DBH: variants seen among roughly 807,000 people sequenced by gnomAD.
DBH encodes the protein dopamine beta-hydroxylase.
In DBH, 49 loss-of-function variants were observed where a neutral mutation model predicts 64.0. That is an observed-to-expected ratio of 0.77 (90% CI 0.61 to 0.97). The LOEUF is 0.97. Ranked by LOEUF, DBH falls within the 50% of genes least tolerant of loss-of-function variation. The probability of loss-of-function intolerance (pLI) is 0.00; values close to 1 mark genes in which losing one functional copy is unlikely to be tolerated. For missense variants in DBH, 828 were observed against 826.6 expected (o/e 1.00, Z -0.02); for synonymous variants, 343 against 347.1 (o/e 0.99, Z 0.13).
chr9:133,651,443 C>T (rs887162296), intron 6 of DBH, among the ~76,000 whole-genome samples, 191 bp from the exon 7 acceptor site: 7 of 152,298 alleles, frequency 4.6e-5, no homozygotes, highest in Middle Eastern at 3.4e-3. Context: ...GGGGCTGTTG[C>T]GGCCCCCTCG....
Position 133,651,729 on chromosome 9 carries a change from G to C in DBH, c.1287G>C (p.Arg429=). The stretch of plus-strand genomic sequence containing the variant: ...TCACAGTGCTGGTCCGGGACGGCCG[G>C]GAGTGGGAGATCGTGAACCAGGACA... The part of the protein sequence containing the change: ...KVVTVLVRDG[R]EWEIVNQDNH... The change falls in exon 7 of 12, where the codon CGG becomes CGC. Residue 429 remains arginine (R), a synonymous_variant. Transcript: ENST00000393056. 1.9e-6 allele frequency: 3 copies of C among 1,613,822 alleles called. No individual in the cohort carries two copies. Among genetic ancestry groups the C allele is most frequent in the Non-Finnish European group, 1.7e-6 (2 of 1,179,986 alleles).
At position 133,643,685 on chromosome 9, in the gene DBH, A is replaced by G; in HGVS notation, c.921+96A>G. 10 of 1,455,924 alleles carry G rather than the reference A, an allele frequency of 6.9e-6. No homozygotes were observed. Among genetic ancestry groups the G allele is most frequent in the Admixed American group, 1.9e-5 (1 of 53,396 alleles). The allele number at this position is 1,455,924 out of a possible 1,614,324, so 90.2% of individuals were successfully genotyped here. On this transcript the variant is annotated intron_variant, in intron 4 of 11. Transcript: ENST00000393056. The surrounding 1 kb of genome is among the most constrained non-coding windows in gnomAD (Gnocchi z 5.3). ...CAGCTTCACCGTCTCAGAGGCTTCA[A>G]GAAGGGGCTCCCAAGGGGGCTCACG...
chr9:133,648,113 G>T, intron 6 of DBH, 101 bp downstream of exon 6: 1 of 1,371,452 alleles, frequency 7.3e-7, no homozygotes, highest in African/African-American at 1.4e-5. Flanking sequence ...GCACAGCTTT[G>T]GTTTCCCCTG....
chr9:133,644,315 T>A lies in DBH; in HGVS notation c.1019T>A (p.Ile340Lys). ...GTTCACTACCACAACCCACTGGTGA[T>A]AGAAGGTAGGCGGCTCTGCTGCCAT... The part of the protein sequence containing the change: ...LEVHYHNPLV[I>K]EGRNDSSGIR... The change falls in exon 5 of 12, where the codon ATA (isoleucine) becomes AAA (lysine). Residue 340 changes from isoleucine to lysine, a missense_variant. Coordinates refer to ENST00000393056, the MANE Select transcript of DBH (RefSeq NM_000787.4). 1.2e-6 allele frequency: 2 copies of A among 1,613,716 alleles called. No individual in the cohort carries two copies. Among genetic ancestry groups the A allele is most frequent in the Non-Finnish European group, 1.7e-6 (2 of 1,179,600 alleles).
rs546771143 is a variant in DBH at position 133,647,986 on chromosome 9, T to C, written c.1165T>C (p.Tyr389His). The change falls in exon 6 of 12, where the codon TAC becomes CAC. Residue 389 changes from tyrosine (Y) to histidine (H), a missense_variant. Coordinates refer to ENST00000393056, the MANE Select transcript of DBH (RefSeq NM_000787.4). ...PRETAFILTG[Y>H]CTDKCTQLAL... Reference sequence around the variant, plus strand: ...GGAGACCGCCTTCATCCTCACTGGCTACTGCACGGACAAGTGCACCCAGCT... The same window carrying C: ...GGAGACCGCCTTCATCCTCACTGGCCACTGCACGGACAAGTGCACCCAGCT... The C allele has an allele frequency of 1.2e-5, 19 of 1,613,442 alleles. No individual in the cohort carries two copies. The East Asian group carries it at 4.0e-4, about 34-fold the overall frequency.
chr9:133,636,390 T>C lies in DBH; in HGVS notation c.19T>C (p.Trp7Arg). Residue 7 changes from tryptophan to arginine, a missense_variant, in exon 1 of 12, where the codon TGG becomes CGG. Physicochemically the swap from Trp to Arg is moderately radical, Grantham distance 101 (BLOSUM62 -3). Transcript: ENST00000393056. The part of the protein sequence containing the change: MPALSR[W>R]ASLPGPSMRE... ...CCCAGCCATGCCCGCCCTCAGTCGC[T>C]GGGCCAGCCTGCCCGGCCCCAGCAT... The C allele has an allele frequency of 6.2e-7, 1 of 1,610,586 alleles. No individual in the cohort carries two copies. Among genetic ancestry groups the C allele is most frequent in the Non-Finnish European group, 8.5e-7 (1 of 1,179,960 alleles).
In DBH at chr9:133,651,114, C is replaced by G. The variant is rs1026769357; in HGVS notation, c.1192-520C>G. On this transcript the variant is annotated intron_variant, in intron 6 of 11. Coordinates refer to ENST00000393056, the MANE Select transcript of DBH (RefSeq NM_000787.4). Reference sequence around the variant, plus strand: ...GGTGATGCTGAGCACAGGGAGAATGCAGCCTTGGCTGCTTTGAAGCTGAAA... The same window carrying G: ...GGTGATGCTGAGCACAGGGAGAATGGAGCCTTGGCTGCTTTGAAGCTGAAA... Among the ~76,000 whole-genome samples the G allele has an allele frequency of 4.5e-4, 69 of 152,364 alleles. 1 individual carries two copies. Among genetic ancestry groups the G allele is most frequent in the African/African-American group, 1.6e-3 (66 of 41,588 alleles).
intron 5 of DBH, among the ~76,000 whole-genome samples, chr9:133,646,931 C>A (rs1832188770): frequency 6.6e-6 from 1 of 152,160 alleles, no homozygotes; most frequent in Non-Finnish European, 1.5e-5. Flanking sequence ...CAGGTGTGGC[C>A]ACACCATAAT....
intron 8 of DBH, 149 bp downstream of exon 8, chr9:133,652,433 C>A (rs1013907902): frequency 1.1e-6 from 1 of 943,982 alleles, no homozygotes; most frequent in Non-Finnish European, 1.7e-6. Context: ...CTGTGGGTGG[C>A]TCTGGGCTGG....
intron 2 of DBH, among the ~76,000 whole-genome samples, chr9:133,640,849 C>A (rs190923678): frequency 6.6e-6 from 1 of 152,352 alleles, no homozygotes; most frequent in Non-Finnish European, 1.5e-5. Flanking sequence ...TAGGGGAGAG[C>A]CCAGGCCTGA....
At chr9:133,644,365 G>T in intron 5 of DBH, 45 bp downstream of exon 5, 1 of 1,497,938 alleles carries the variant, frequency 6.7e-7, no homozygotes. Flanking sequence ...CTAGGACTCA[G>T]CTGTGTTGAG....
chr9:133,642,829 G>A (rs1024464238), intron 3 of DBH, among the ~76,000 whole-genome samples: 6 of 152,316 alleles, frequency 3.9e-5, no homozygotes, highest in East Asian at 1.9e-4. Flanking sequence ...ACACCCGTCC[G>A]GGGAAGACAG....
chr9:133,658,499 G>A lies in DBH; in HGVS notation c.*52G>A, dbSNP rs531831034. ...CATGCTGTCCCTGTGGGCTCACACC[G>A]GCACTGTGCACTCTACTCTGCGACG... On this transcript the variant is annotated 3_prime_UTR_variant, in exon 12 of 12. Coordinates refer to ENST00000393056, the MANE Select transcript of DBH (RefSeq NM_000787.4). 1.4e-4 allele frequency: 209 copies of A among 1,546,660 alleles called. No individual in the cohort carries two copies. Among genetic ancestry groups the A allele is most frequent in the Non-Finnish European group, 1.7e-4 (199 of 1,144,326 alleles).
Position 133,647,910 on chromosome 9 carries a change from G to A in DBH, c.1089G>A (p.Gly363=). 1.2e-6 allele frequency: 2 copies of A among 1,614,182 alleles called. No individual in the cohort carries two copies. Among genetic ancestry groups the A allele is most frequent in the Non-Finnish European group, 1.7e-6 (2 of 1,180,040 alleles). ...CCAAGCTGCGGCGCTTCAACGCGGG[G>A]ATCATGGAGCTGGGACTGGTGTACA... ...YTAKLRRFNA[G]IMELGLVYTP... is the part of the protein sequence containing the mutation. The change falls in exon 6 of 12, where the codon GGG becomes GGA. Residue 363 remains glycine (G), a synonymous_variant. Transcript: ENST00000393056.
At position 133,643,466 on chromosome 9, in the gene DBH, C is replaced by A; in HGVS notation, c.798C>A (p.Val266=). Residue 266 remains valine (V), a synonymous_variant, in exon 4 of 12, where the codon GTC becomes GTA. Coordinates refer to ENST00000393056, the MANE Select transcript of DBH (RefSeq NM_000787.4). This position sits in a 1 kb window ranked among gnomAD's most constrained non-coding sequence, Gnocchi z 5.3. ...GNEALVHHME[V]FQCAPEMDSV... ...AGGCCCTTGTCCACCACATGGAAGT[C>A]TTCCAGTGCGCCCCCGAGATGGACA... The A allele has an allele frequency of 6.2e-6, 10 of 1,613,230 alleles. No individual in the cohort carries two copies. Among genetic ancestry groups the A allele is most frequent in the Non-Finnish European group, 7.6e-6 (9 of 1,179,738 alleles).
At position 133,643,073 on chromosome 9, in the gene DBH, T is replaced by C. The variant is rs1832135899; in HGVS notation, c.745-340T>C. Among the ~76,000 whole-genome samples the C allele has an allele frequency of 6.6e-6, 1 of 152,094 alleles. No homozygotes were observed. Among genetic ancestry groups the C allele is most frequent in the Non-Finnish European group, 1.5e-5 (1 of 68,002 alleles). Reference sequence around the variant, plus strand: ...GCAGGAAGAGGCATGGCCTTGAAGGTGCGCTTTGGGCCCGGGCTCTAACCT... The same window carrying C: ...GCAGGAAGAGGCATGGCCTTGAAGGCGCGCTTTGGGCCCGGGCTCTAACCT... On this transcript the variant is annotated intron_variant, in intron 3 of 11. Transcript: ENST00000393056. This position sits in a 1 kb window ranked among gnomAD's most constrained non-coding sequence, Gnocchi z 5.3.
intron 6 of DBH, among the ~76,000 whole-genome samples, chr9:133,650,005 G>A (rs1832225107): frequency 6.6e-6 from 1 of 152,266 alleles, no homozygotes. Context: ...CTATCCCAGT[G>A]AAATAGGCCA....
chr9:133,648,995 C>T (rs527270702), intron 6 of DBH, among the ~76,000 whole-genome samples: 22 of 152,334 alleles, frequency 1.4e-4, no homozygotes, highest in Middle Eastern at 3.4e-3. Flanking sequence ...GAAAGCCCAT[C>T]TTCTGCTCCC....
At position 133,653,013 on chromosome 9, in the gene DBH, G is replaced by T. The variant is rs375329795; in HGVS notation, c.1434+14G>T. 1 of 1,602,474 alleles carries T rather than the reference G, an allele frequency of 6.2e-7. No homozygotes were observed. The highest frequency in any genetic ancestry group is 1.1e-5 in the South Asian group (1 of 90,842). On this transcript the variant is annotated intron_variant, in intron 9 of 11. Transcript: ENST00000393056. ...CTGGCCACAGTGGTAAGTCACCCCC[G>T]CTTCCCCCTGCACCTGCCCAGGGCG...
Sources: allele counts gnomAD v4.1 joint callset (sites outside exome capture counted in the v4.1 genomes callset), GRCh38; gene constraint gnomAD v4.1.1; non-coding constraint Gnocchi (gnomAD v3.1); transcripts MANE v1.5; gene names NCBI Gene and HGNC (gene_info 2026-07-23, HGNC 2026-07-21).